The following BMPR2 variants were observed in gnomAD, a reference collection of about 807,000 sequenced individuals.
BMPR2 encodes bone morphogenetic protein receptor type 2.
Under a neutral mutation model 100.8 loss-of-function variants are expected in BMPR2, and 29 were observed. The ratio of observed to expected loss-of-function variants is 0.29; its 90% CI spans 0.21 to 0.39. BMPR2 has a LOEUF of 0.39. Ranked by LOEUF, BMPR2 falls within the 10% of genes least tolerant of loss-of-function variation. BMPR2 has a pLI of 1.00. For missense variants in BMPR2, 1,011 were observed against 1,274.5 expected, an observed-to-expected ratio of 0.79 and a Z score of 3.15; for synonymous variants, 382 against 442.3, an observed-to-expected ratio of 0.86 and a Z score of 1.71.
intron 1 of BMPR2, among the ~76,000 whole-genome samples, chr2:202,410,574 A>G (rs1160469589): frequency 6.6e-6 from 1 of 151,248 alleles, no homozygotes; most frequent in Non-Finnish European, 1.5e-5. Flanking sequence ...AGGACAGCCT[A>G]TCTATCTAGC....
At chr2:202,432,253 A>G (rs948011248) in intron 1 of BMPR2, among the ~76,000 whole-genome samples, 1 of 150,826 alleles carries the variant, frequency 6.6e-6, no homozygotes, top group Non-Finnish European at 1.5e-5. Context: ...TCAGATCACA[A>G]AGGTTGTCCA....
At chr2:202,381,966 G>A (rs147135153) in intron 1 of BMPR2, among the ~76,000 whole-genome samples, 1 of 151,366 alleles carries the variant, frequency 6.6e-6, no homozygotes, top group Admixed American at 6.6e-5. Context: ...AGTGGAATCT[G>A]TGTGAATCAG....
intron 3 of BMPR2, among the ~76,000 whole-genome samples, chr2:202,501,803 G>A (rs559257379): frequency 5.3e-5 from 8 of 152,210 alleles, no homozygotes; most frequent in African/African-American, 9.6e-5. Context: ...GCGCATATGC[G>A]TGGCCCTCAA....
At chr2:202,496,035 T>C (rs1210253274) in intron 3 of BMPR2, among the ~76,000 whole-genome samples, 2 of 152,210 alleles carry the variant, frequency 1.3e-5, no homozygotes, top group Non-Finnish European at 2.9e-5. Context: ...AAAAACGTGC[T>C]TGAATGTAGG....
chr2:202,388,523 A>G (rs1175455322), intron 1 of BMPR2, among the ~76,000 whole-genome samples: 2 of 149,938 alleles, frequency 1.3e-5, no homozygotes, highest in Non-Finnish European at 3.0e-5. Flanking sequence ...AGTGGCTCAC[A>G]CCTTTAATCC....
intron 1 of BMPR2, among the ~76,000 whole-genome samples, chr2:202,391,253 G>A (rs1268291006): frequency 3.9e-5 from 6 of 151,974 alleles, no homozygotes; most frequent in African/African-American, 2.4e-5. Context: ...TGAGATTACA[G>A]GTGTGAGCCA....
chr2:202,449,383 T>C (rs1480006982), intron 1 of BMPR2, among the ~76,000 whole-genome samples: 2 of 152,282 alleles, frequency 1.3e-5, no homozygotes, highest in East Asian at 3.9e-4. Context: ...CTGCTATCTT[T>C]AGAATGGCCT....
At chr2:202,501,078 A>G (rs1031872678) in intron 3 of BMPR2, among the ~76,000 whole-genome samples, 11 of 152,212 alleles carry the variant, frequency 7.2e-5, no homozygotes, top group South Asian at 2.1e-4. Context: ...TCGTGCCAGC[A>G]GGCTACTCTA....
At chr2:202,410,016 AC>A (rs1485423122) in intron 1 of BMPR2, among the ~76,000 whole-genome samples, 1 of 151,458 alleles carries the variant, frequency 6.6e-6, no homozygotes, top group African/African-American at 2.4e-5. Context: ...ACAGTGTCTC[AC>A]CCTGTCGCCC....
At chr2:202,384,564 C>CTTTG (rs1426751018) in intron 1 of BMPR2, among the ~76,000 whole-genome samples, 1 of 28,918 alleles carries the variant, frequency 3.5e-5, no homozygotes, top group Non-Finnish European at 7.0e-5. Context: ...TTCTTTCTTT[C>CTTTG]TTTCTTTTTC....
chr2:202,502,231 A>G (rs1307885493), intron 3 of BMPR2, among the ~76,000 whole-genome samples: 2 of 152,264 alleles, frequency 1.3e-5, no homozygotes, highest in African/African-American at 2.4e-5. Flanking sequence ...AGGAAATTAT[A>G]GAGTTATTGC....
At chr2:202,410,537 G>A (rs1008209973) in intron 1 of BMPR2, among the ~76,000 whole-genome samples, 17 of 152,268 alleles carry the variant, frequency 1.1e-4, no homozygotes, top group African/African-American at 4.1e-4. Context: ...ATATCAGTGA[G>A]TCCATACTAA....
chr2:202,484,924 G>A (rs1201219584), intron 3 of BMPR2, among the ~76,000 whole-genome samples: 1 of 144,824 alleles, frequency 6.9e-6, no homozygotes, highest in African/African-American at 2.6e-5. Flanking sequence ...AGCCGAAATC[G>A]TGCCACTGCA....
chr2:202,537,503 G>A (rs1688183299), intron 9 of BMPR2, among the ~76,000 whole-genome samples: 2 of 152,096 alleles, frequency 1.3e-5, no homozygotes, highest in Non-Finnish European at 2.9e-5. Context: ...ACTAGAAGGG[G>A]CTTAAAAAGG....
At chr2:202,393,932 A>T (rs867422988) in intron 1 of BMPR2, among the ~76,000 whole-genome samples, 1 of 122,912 alleles carries the variant, frequency 8.1e-6, no homozygotes, top group African/African-American at 3.2e-5. Context: ...AGAGAGAGAG[A>T]GATTCCTGTG....
In BMPR2 at chr2:202,546,346, T is replaced by C. The variant is rs1361498079; in HGVS notation, c.1413+3899T>C. Among the ~76,000 whole-genome samples the C allele has an allele frequency of 2.6e-5, 4 of 152,278 alleles. No individual in the cohort carries two copies. The East Asian group carries it at 5.8e-4, about 22-fold the overall frequency. On this transcript the variant is annotated intron_variant, in intron 10 of 12. Coordinates refer to ENST00000374580, the MANE Select transcript of BMPR2 (RefSeq NM_001204.7). ...AGTAAAACTCAGAATCTTTCAAATA[T>C]TAATGAATATAAAAACTAGCTTTAA...
intron 1 of BMPR2, among the ~76,000 whole-genome samples, chr2:202,386,531 C>T (rs1229162736): frequency 6.6e-6 from 1 of 152,012 alleles, no homozygotes; most frequent in Non-Finnish European, 1.5e-5. Context: ...AATCTTATTG[C>T]TTCTTACCAC....
chr2:202,525,674 T>A (rs992695958), intron 7 of BMPR2, among the ~76,000 whole-genome samples: 2 of 152,044 alleles, frequency 1.3e-5, no homozygotes, highest in Non-Finnish European at 2.9e-5. Context: ...GTTGTTGATG[T>A]TGTTGTTTCC....
In BMPR2 at chr2:202,499,892, T is replaced by G. The variant is rs1032908706; in HGVS notation, c.419-13827T>G. Among the ~76,000 whole-genome samples the G allele has an allele frequency of 2.0e-5, 3 of 152,132 alleles. No individual in the cohort carries two copies. The East Asian group carries it at 5.8e-4, about 29-fold the overall frequency. Reference sequence around the variant, plus strand: ...TTGGTGGTTCAGAGAGGACAGAAAATGGAGTAGGCCAATCACCTGGTAGGT... The same window carrying G: ...TTGGTGGTTCAGAGAGGACAGAAAAGGGAGTAGGCCAATCACCTGGTAGGT... On this transcript the variant is annotated intron_variant, in intron 3 of 12. Transcript: ENST00000374580.
Sources: gnomAD v4.1 joint callset for allele counts (sites outside exome capture counted in the v4.1 genomes callset) on GRCh38, gnomAD v4.1.1 for gene constraint, MANE v1.5 for transcripts, NCBI Gene and HGNC (gene_info 2026-07-23, HGNC 2026-07-21) for gene names.